ZNF566: variants seen among roughly 807,000 people sequenced by gnomAD.
The protein encoded by ZNF566 is zinc finger protein 566.
In ZNF566, 27 loss-of-function variants were observed where a neutral mutation model predicts 32.8. That is an observed-to-expected ratio of 0.82 (90% CI 0.61 to 1.14). The LOEUF is 1.14. Among genes scored for constraint, ZNF566 ranks in the 50% most tolerant of loss-of-function variants. The pLI, the probability that ZNF566 is intolerant of heterozygous loss-of-function variation, is 0.00. For missense variants in ZNF566, 402 were observed against 490.4 expected, an observed-to-expected ratio of 0.82 and a Z score of 1.70; for synonymous variants, 154 against 159.5, an observed-to-expected ratio of 0.97 and a Z score of 0.26.
chr19:36,478,830 G>T (rs928284227), intron 1 of ZNF566, among the ~76,000 whole-genome samples: 2 of 152,148 alleles, frequency 1.3e-5, no homozygotes, highest in African/African-American at 4.8e-5. Context: ...TGAGATAAGA[G>T]CACGAACAGT....
intron 4 of ZNF566, among the ~76,000 whole-genome samples, chr19:36,451,686 G>A (rs1053843333): frequency 2.8e-4 from 42 of 152,168 alleles, no homozygotes; most frequent in African/African-American, 1.0e-3. Flanking sequence ...ACTGTTGTGA[G>A]GATTGGGATT....
At chr19:36,454,007 T>G (rs1398478555) in intron 4 of ZNF566, among the ~76,000 whole-genome samples, 1 of 152,102 alleles carries the variant, frequency 6.6e-6, no homozygotes, top group African/African-American at 2.4e-5. Flanking sequence ...GTATTTTTAG[T>G]AGAGACAAAG....
chr19:36,451,379 G>T (rs1051872054), intron 4 of ZNF566, among the ~76,000 whole-genome samples: 31 of 152,282 alleles, frequency 2.0e-4, no homozygotes, highest in Non-Finnish European at 2.2e-4. Flanking sequence ...AATAGTGTTT[G>T]TCGTGTAATT....
intron 2 of ZNF566, among the ~76,000 whole-genome samples, chr19:36,475,054 T>C (rs1368872209): frequency 1.3e-5 from 2 of 152,296 alleles, no homozygotes; most frequent in East Asian, 3.9e-4. Context: ...ACATCATTGC[T>C]TTTGTTTTTT....
At chr19:36,460,269 CA>C (rs1331534335) in intron 4 of ZNF566, among the ~76,000 whole-genome samples, 2 of 152,124 alleles carry the variant, frequency 1.3e-5, no homozygotes, top group African/African-American at 4.8e-5. Flanking sequence ...TTGGAATTAT[CA>C]GATAATGACT....
chr19:36,482,643 CTT>C (rs2034065161), intron 1 of ZNF566, among the ~76,000 whole-genome samples: 1 of 152,066 alleles, frequency 6.6e-6, no homozygotes, highest in Non-Finnish European at 1.5e-5. Flanking sequence ...TTACTAAATA[CTT>C]TTTACACAGG....
In ZNF566 at chr19:36,472,988, G is replaced by A. The variant is rs778761847; in HGVS notation, c.155C>T (p.Pro52Leu). The change falls in exon 4 of 5, where the codon CCA becomes CTA. Residue 52 changes from proline (P) to leucine (L), a missense_variant. Physicochemically the swap from Pro to Leu is moderately conservative, Grantham distance 98. Around this residue, in one of 3 missense-constraint regions of ZNF566, gnomAD observed 220 missense variants for 241.9 expected, o/e 0.91. Coordinates refer to ENST00000452939, the MANE Select transcript of ZNF566 (RefSeq NM_001145344.1). ...TTGCTCCAAGTAGGAGATCACATTT[G>A]GTTTAGAAATAGAATGCCCTGCTTA... Reference protein sequence around the residue: ...LVSMGHSISKPNVISYLEQGK... With the variant: ...LVSMGHSISKLNVISYLEQGK... 8 of 1,613,412 alleles carry A rather than the reference G, an allele frequency of 5.0e-6. No individual in the cohort carries two copies.
chr19:36,467,497 A>G, intron 4 of ZNF566, among the ~76,000 whole-genome samples: 1 of 150,480 alleles, frequency 6.6e-6, no homozygotes. Flanking sequence ...GCTAAAACTC[A>G]TCAGGAAAGA....
intron 1 of ZNF566, among the ~76,000 whole-genome samples, chr19:36,482,169 G>A (rs1433491355): frequency 6.6e-6 from 1 of 152,094 alleles, no homozygotes; most frequent in Non-Finnish European, 1.5e-5. Context: ...GCAGTGGCGC[G>A]ATCTCGGCTC....
Position 36,449,745 on chromosome 19 carries a change from G to GC in ZNF566, c.488_489insG (p.Ile163MetfsTer3). ...CACAGAATTTCTTTTTACTGTTAAT[G>GC]ATTTGCTGTAATGTGAAGGATGGAT... On this transcript the variant is annotated frameshift_variant, in exon 5 of 5. Coordinates refer to ENST00000452939, the MANE Select transcript of ZNF566 (RefSeq NM_001145344.1). LOFTEE classifies it high-confidence loss of function. 6.2e-7 allele frequency: 1 copy of GC among 1,614,088 alleles called. No homozygotes were observed. Among genetic ancestry groups the GC allele is most frequent in the Non-Finnish European group, 8.5e-7 (1 of 1,180,012 alleles).
chr19:36,453,484 TAAA>T (rs2033216277), intron 4 of ZNF566, among the ~76,000 whole-genome samples: 14 of 101,288 alleles, frequency 1.4e-4, no homozygotes, highest in African/African-American at 4.9e-4. Flanking sequence ...AATAAATAAA[TAAA>T]TAAATAAATA....
In ZNF566 at chr19:36,449,297, A is replaced by C; in HGVS notation, c.937T>G (p.Cys313Gly). 6.2e-7 allele frequency: 1 copy of C among 1,614,178 alleles called. No homozygotes were observed. Among genetic ancestry groups the C allele is most frequent in the Non-Finnish European group, 8.5e-7 (1 of 1,180,008 alleles). The change falls in exon 5 of 5, where the codon TGT (cysteine) becomes GGT (glycine). Residue 313 changes from cysteine (C) to glycine (G), a missense_variant. By Grantham distance (159) the Cys-to-Gly change is radical (BLOSUM62 -3). Around this residue, in one of 3 missense-constraint regions of ZNF566, gnomAD observed 135 missense variants for 210.0 expected, o/e 0.64. Coordinates refer to ENST00000452939, the MANE Select transcript of ZNF566 (RefSeq NM_001145344.1). ...RIHTGEKPYE[C>G]KECGNAFSQS... ...CTAAAGGCATTGCCACATTCCTTACATTCATAGGGTTTTTCCCCAGTATGA... is the reference window on the plus strand; with the variant it reads ...CTAAAGGCATTGCCACATTCCTTACCTTCATAGGGTTTTTCCCCAGTATGA...
chr19:36,458,234 T>C (rs540292212), intron 4 of ZNF566, among the ~76,000 whole-genome samples: 11 of 141,954 alleles, frequency 7.7e-5, no homozygotes, highest in Non-Finnish European at 1.4e-4. Context: ...TGTGGGCATA[T>C]ATATGTATAC....
chr19:36,471,302 T>C (rs183878012), intron 4 of ZNF566, among the ~76,000 whole-genome samples: 1 of 152,128 alleles, frequency 6.6e-6, no homozygotes, highest in Admixed American at 6.5e-5. Flanking sequence ...AATGAAAAGA[T>C]TTCCCATGGC....
intron 4 of ZNF566, among the ~76,000 whole-genome samples, chr19:36,471,052 A>C (rs1161943112): frequency 1.3e-5 from 2 of 150,474 alleles, no homozygotes; most frequent in African/African-American, 2.5e-5. Flanking sequence ...ACTGAAAAAA[A>C]AATACAAAAA....
At chr19:36,474,334 T>C (rs2033833948) in intron 2 of ZNF566, among the ~76,000 whole-genome samples, 1 of 152,120 alleles carries the variant, frequency 6.6e-6, no homozygotes, top group African/African-American at 2.4e-5. Context: ...ATGCTGGAGA[T>C]TCTGGATATA....
intron 4 of ZNF566, among the ~76,000 whole-genome samples, chr19:36,455,380 A>C (rs1245960918): frequency 6.6e-6 from 1 of 152,184 alleles, no homozygotes; most frequent in Non-Finnish European, 1.5e-5. Flanking sequence ...AGGCAATAAA[A>C]AGGAATAAAA....
At chr19:36,466,999 G>A (rs544810480) in intron 4 of ZNF566, among the ~76,000 whole-genome samples, 2 of 151,118 alleles carry the variant, frequency 1.3e-5, no homozygotes, top group East Asian at 1.9e-4. Flanking sequence ...AACCCGGGAG[G>A]TGGAGCTTGC....
At chr19:36,459,879 C>A (rs896362968) in intron 4 of ZNF566, among the ~76,000 whole-genome samples, 4 of 148,342 alleles carry the variant, frequency 2.7e-5, no homozygotes, top group Admixed American at 6.8e-5. Context: ...AGTACAGTGG[C>A]GTGATCTCAG....
Sources: allele counts gnomAD v4.1 joint callset (sites outside exome capture counted in the v4.1 genomes callset), GRCh38; gene constraint gnomAD v4.1.1; regional missense constraint gnomAD v4.1.1; transcripts MANE v1.5; gene names NCBI Gene and HGNC (gene_info 2026-07-23, HGNC 2026-07-21).